SH2B2: variants seen among roughly 807,000 people sequenced by gnomAD.
SH2B2 encodes SH2B adaptor protein 2.
SH2B2 carries 37 observed loss-of-function variants against 35.7 expected under a neutral mutation model. The observed-to-expected ratio is 1.04, with a 90% CI of 0.80 to 1.36. SH2B2 has a LOEUF of 1.36. Among genes scored for constraint, SH2B2 ranks in the 40% most tolerant of loss-of-function variants. SH2B2 has a pLI of 0.00. For synonymous variants in SH2B2, 383 were observed against 376.4 expected (o/e 1.02, Z -0.20); for missense variants, 852 against 817.7 (o/e 1.04, Z -0.51).
chr7:102,286,012 C>A (rs1046735592), upstream of SH2B2, among the ~76,000 whole-genome samples: 10 of 152,340 alleles, frequency 6.6e-5, no homozygotes, highest in Middle Eastern at 0.01. Flanking sequence ...AGGGGTCAGG[C>A]TACAAATGCC....
chr7:102,300,957 C>A lies in SH2B2; in HGVS notation c.407C>A (p.Ser136Ter). ...AAGGCCCGCGTTCGCAAGGGCTTCT[C>A]GCTGCGCAACATGAGCCTGTGCGTG... ...ATKARVRKGF[S>*]LRNMSLCVVD... The change falls in exon 2 of 9, where the codon TCG becomes TAG. Residue 136 changes from serine to a stop codon, truncating the protein, a stop_gained. Coordinates refer to ENST00000444095, the MANE Select transcript of SH2B2 (RefSeq NM_001359228.2). LOFTEE classifies it high-confidence loss of function. The A allele has an allele frequency of 6.7e-7, 1 of 1,488,558 alleles. No homozygotes were observed. Among genetic ancestry groups the A allele is most frequent in the Admixed American group, 2.3e-5 (1 of 43,338 alleles). The allele number at this position is 1,488,558 out of a possible 1,614,324, so 92.2% of individuals were successfully genotyped here. A position where few individuals can be genotyped will look rare whatever the true frequency, so the allele number is the denominator to read the frequency against.
chr7:102,312,145 A>T (rs13226624), intron 4 of SH2B2, among the ~76,000 whole-genome samples: 1 of 151,524 alleles, frequency 6.6e-6, no homozygotes, highest in Non-Finnish European at 1.5e-5. Flanking sequence ...AGGCCGAGGC[A>T]GGCGGATCAC....
chr7:102,317,205 C>G lies in SH2B2; in HGVS notation c.1205C>G (p.Thr402Arg), dbSNP rs200961263. 1.0e-3 allele frequency: 1,617 copies of G among 1,605,160 alleles called. 2 individuals are homozygous for G. The highest frequency in any genetic ancestry group is 2.0e-3 in the South Asian group (179 of 89,338). Reference sequence around the variant, plus strand: ...ACCTCAGGGGAACAGGGTGCAGAGACGGATCCCGAGGCTGAACCCGAGCTG... The same window carrying G: ...ACCTCAGGGGAACAGGGTGCAGAGAGGGATCCCGAGGCTGAACCCGAGCTG... ...SNNTGEQGAE[T>R]DPEAEPELEL... The change falls in exon 7 of 9, where the codon ACG becomes AGG. Residue 402 changes from threonine to arginine, a missense_variant. Physicochemically the swap from Thr to Arg is moderately conservative, Grantham distance 71. This residue lies in a region of SH2B2 where 556 missense variants were observed against 514.5 expected (regional missense o/e 1.08). Transcript: ENST00000444095.
chr7:102,320,417 C>CCA lies in SH2B2; in HGVS notation c.1490_1491dup (p.Pro498ThrfsTer151), dbSNP rs782384585. 3 of 1,613,646 alleles carry CCA rather than the reference C, an allele frequency of 1.9e-6. No individual in the cohort carries two copies. The highest frequency in any genetic ancestry group is 2.2e-5 in the East Asian group (1 of 44,890). On this transcript the variant is annotated frameshift_variant, in exon 8 of 9. Coordinates refer to ENST00000444095, the MANE Select transcript of SH2B2 (RefSeq NM_001359228.2). LOFTEE classifies it high-confidence loss of function. ...CTGTGCTTGACATGCTCCGCCACTT[C>CCA]CACACACACCCCATCCCACTGGAGT...
At chr7:102,293,635 C>G (rs1554552152) in intron 1 of SH2B2, among the ~76,000 whole-genome samples, 1 of 152,048 alleles carries the variant, frequency 6.6e-6, no homozygotes, top group African/African-American at 2.4e-5. Flanking sequence ...TCCTTTGTCT[C>G]CAACGCCAGT....
At chr7:102,312,737 C>CA (rs1255443186) in intron 4 of SH2B2, among the ~76,000 whole-genome samples, 1 of 151,988 alleles carries the variant, frequency 6.6e-6, no homozygotes, top group African/African-American at 2.4e-5. Context: ...AGCAGGAGGG[C>CA]AGTGGGGCAT....
At chr7:102,286,264 G>A (rs970953451), upstream of SH2B2, among the ~76,000 whole-genome samples, 4 of 152,252 alleles carry the variant, frequency 2.6e-5, no homozygotes, top group Non-Finnish European at 5.9e-5. Flanking sequence ...TCCCGCACCG[G>A]AGGGCTGCAG....
Position 102,300,782 on chromosome 7 carries a change from C to T in SH2B2, c.232C>T (p.Arg78Cys). The T allele has an allele frequency of 2.0e-6, 3 of 1,518,816 alleles. No individual in the cohort carries two copies. Among genetic ancestry groups the T allele is most frequent in the Admixed American group, 2.1e-5 (1 of 47,478 alleles). 94.1% of individuals were successfully genotyped at this position (1,518,816 alleles called of 1,614,324 possible). A position where few individuals can be genotyped will look rare whatever the true frequency, so the allele number is the denominator to read the frequency against. ...NFLDVFGEEV[R>C]RVLVAGPTTR... ...CCTGGACGTCTTCGGCGAGGAGGTG[C>T]GCCGCGTGCTGGTGGCTGGGCCGAC... Residue 78 changes from arginine to cysteine, a missense_variant, in exon 2 of 9, where the codon CGC becomes TGC. Physicochemically the swap from Arg to Cys is radical, Grantham distance 180 (BLOSUM62 -3). This residue lies in a region of SH2B2 where 294 missense variants were observed against 286.6 expected (regional missense o/e 1.03). Transcript: ENST00000444095.
intron 1 of SH2B2, among the ~76,000 whole-genome samples, chr7:102,296,395 T>A (rs1189181192): frequency 2.0e-5 from 3 of 152,162 alleles, no homozygotes; most frequent in African/African-American, 7.2e-5. Flanking sequence ...ATCCTCTAAC[T>A]CATTTCCTTG....
At position 102,308,925 on chromosome 7, in the gene SH2B2, C is replaced by T. The variant is rs1174565409; in HGVS notation, c.923+19C>T. 2 of 1,598,504 alleles carry T rather than the reference C, an allele frequency of 1.3e-6. No individual in the cohort carries two copies. Among genetic ancestry groups the T allele is most frequent in the Non-Finnish European group, 1.7e-6 (2 of 1,166,362 alleles). The stretch of plus-strand genomic sequence containing the variant: ...ACCCCGGGTGAGTGTCCAAGTGGCC[C>T]GAAGATGGGTGGACAGGCTGGGTAT... On this transcript the variant is annotated intron_variant, in intron 4 of 8. Transcript: ENST00000444095.
chr7:102,288,063 C>G (rs1447278303), intron 1 of SH2B2, among the ~76,000 whole-genome samples: 3 of 152,188 alleles, frequency 2.0e-5, no homozygotes, highest in Non-Finnish European at 4.4e-5. Context: ...TGCCTCCTGG[C>G]TAAGGGACCG....
chr7:102,292,446 G>A (rs803096), intron 1 of SH2B2, among the ~76,000 whole-genome samples: 37,521 of 150,844 alleles, frequency 0.25, 4,754 homozygotes, highest in East Asian at 0.33. Context: ...CAGGAGAATC[G>A]CTTGAACCCA....
In SH2B2 at chr7:102,321,543, G is replaced by A. The variant is rs782724164; in HGVS notation, c.1812G>A (p.Glu604=). 1 of 1,145,536 alleles carries A rather than the reference G, an allele frequency of 8.7e-7. No individual in the cohort carries two copies. The highest frequency in any genetic ancestry group is 1.1e-6 in the Non-Finnish European group (1 of 933,862). 71.0% of individuals were successfully genotyped at this position (1,145,536 alleles called of 1,614,324 possible). The change falls in exon 9 of 9, where the codon GAG becomes GAA. Residue 604 remains glutamate (E), a synonymous_variant. Transcript: ENST00000444095. ...SRSNSAERLL[E]AVAATAAEEP... ...GCAACAGCGCCGAGCGCCTGCTGGA[G>A]GCCGTGGCCGCCACCGCCGCCGAGG...
intron 7 of SH2B2, 69 bp downstream of exon 7, chr7:102,317,464 G>T: frequency 3.7e-6 from 5 of 1,359,584 alleles, no homozygotes; most frequent in Non-Finnish European, 4.9e-6. Context: ...TGGTGACCCC[G>T]GTCCTGAGGC....
intron 8 of SH2B2, 138 bp from the exon 9 acceptor site, chr7:102,321,161 C>T: frequency 2.8e-6 from 2 of 702,896 alleles, no homozygotes; most frequent in South Asian, 3.9e-5. Flanking sequence ...GGCGGGTGTG[C>T]TTGCATATGT....
At chr7:102,311,901 A>G (rs1194603605) in intron 4 of SH2B2, among the ~76,000 whole-genome samples, 1 of 150,454 alleles carries the variant, frequency 6.6e-6, no homozygotes, top group Non-Finnish European at 1.5e-5. Context: ...ACATGGGGAA[A>G]CCCCATCTCT....
chr7:102,315,723 C>CAG (rs1793800033), intron 6 of SH2B2, among the ~76,000 whole-genome samples: 1 of 108,622 alleles, frequency 9.2e-6, no homozygotes, highest in Non-Finnish European at 1.7e-5. Flanking sequence ...GCCTGAGCAA[C>CAG]AGAGAGAGAC....
At chr7:102,316,926 G>A (rs1488895503) in intron 6 of SH2B2, among the ~76,000 whole-genome samples, 1 of 152,062 alleles carries the variant, frequency 6.6e-6, no homozygotes, top group Admixed American at 6.6e-5. Context: ...GGCTGAGGCA[G>A]GAGAATCGCT....
In SH2B2 at chr7:102,302,999, C is replaced by A. The variant is rs147473641; in HGVS notation, c.729+1720C>A. 5.7e-3 allele frequency among the ~76,000 whole-genome samples: 860 copies of A among 152,040 alleles called. 8 individuals are homozygous for A. The highest frequency in any genetic ancestry group is 0.02 in the African/African-American group (812 of 41,442). ...CTGTAATCCCAGCACTTTGGGAGGCCGAGGCAGGTGGATCACCTGAGGTCA... is the reference window on the plus strand; with the variant it reads ...CTGTAATCCCAGCACTTTGGGAGGCAGAGGCAGGTGGATCACCTGAGGTCA... On this transcript the variant is annotated intron_variant, in intron 2 of 8. Transcript: ENST00000444095.
Sources: allele counts gnomAD v4.1 joint callset (sites outside exome capture counted in the v4.1 genomes callset), GRCh38; gene constraint gnomAD v4.1.1; regional missense constraint gnomAD v4.1.1; transcripts MANE v1.5; gene names NCBI Gene and HGNC (gene_info 2026-07-23, HGNC 2026-07-21).